GAB3: variants seen among roughly 807,000 people sequenced by gnomAD.
The protein encoded by GAB3 is GRB2 associated binding protein 3.
Under a neutral mutation model 40.4 loss-of-function variants are expected in GAB3, and 12 were observed. The observed-to-expected ratio is 0.30, with a 90% CI of 0.19 to 0.48. The LOEUF (loss-of-function observed/expected upper bound fraction) is 0.48. GAB3 is among the 20% of genes least tolerant of loss of function. The pLI is 0.99. For synonymous variants in GAB3, 154 were observed against 176.7 expected (o/e 0.87, Z 1.02); for missense variants, 381 against 461.9 (o/e 0.82, Z 1.61).
intron 1 of GAB3, among the ~76,000 whole-genome samples, chrX:154,748,417 G>A (rs1203763052): frequency 8.9e-6 from 1 of 111,896 alleles, no homozygotes; most frequent in Admixed American, 9.4e-5. Flanking sequence ...TAGCGGGGTA[G>A]GGGAAATTTA....
At chrX:154,699,678 G>A (rs1307735158) in intron 5 of GAB3, among the ~76,000 whole-genome samples, 165 bp from the exon 6 acceptor site, 6 of 112,379 alleles carry the variant, frequency 5.3e-5, no homozygotes, top group Non-Finnish European at 1.1e-4. Context: ...TCTGCCTCTG[G>A]ACTTATCGTT....
chrX:154,678,309 C>T lies in GAB3; in HGVS notation c.1648-15G>A. ...AGGAGAAGTTTCTGAAGGAGGAGAA[C>T]AAAAAGGTTTTCATTACATCTAACT... On this transcript the variant is annotated splice_polypyrimidine_tract_variant and intron_variant, in intron 9 of 9. Coordinates refer to ENST00000424127, the MANE Select transcript of GAB3 (RefSeq NM_001081573.3). The T allele has an allele frequency of 1.1e-6, 1 of 913,252 alleles. No homozygotes were observed. The highest frequency in any genetic ancestry group is 1.6e-6 in the Non-Finnish European group (1 of 637,176). 75.3% of individuals were successfully genotyped at this position (913,252 alleles called of 1,213,427 possible).
intron 1 of GAB3, among the ~76,000 whole-genome samples, chrX:154,722,934 A>C (rs950950261): frequency 1.8e-5 from 2 of 111,213 alleles, no homozygotes; most frequent in Non-Finnish European, 3.8e-5. Flanking sequence ...GCTGGAGGGC[A>C]GTGGTGTGAT....
intron 7 of GAB3, among the ~76,000 whole-genome samples, chrX:154,696,275 G>C (rs2070655526): frequency 1.0e-5 from 1 of 95,543 alleles, no homozygotes; most frequent in Non-Finnish European, 2.1e-5. Flanking sequence ...TTTCTAAACG[G>C]ACGAGGGCAT....
In GAB3 at chrX:154,677,960, C is replaced by T. The variant is rs904254274; in HGVS notation, c.*218G>A. ...GGCTAGATTCTCTCAGAGCCCCCTCCGGAAGGCAACTGCTTCCTTCTTTTC... is the reference window on the plus strand; with the variant it reads ...GGCTAGATTCTCTCAGAGCCCCCTCTGGAAGGCAACTGCTTCCTTCTTTTC... On this transcript the variant is annotated 3_prime_UTR_variant, in exon 10 of 10. Transcript: ENST00000424127. 9 of 321,509 alleles carry T rather than the reference C, an allele frequency of 2.8e-5. No homozygotes were observed. The highest frequency in any genetic ancestry group is 4.3e-5 in the Non-Finnish European group (8 of 188,063). 26.5% of individuals were successfully genotyped at this position (321,509 alleles called of 1,213,427 possible).
chrX:154,703,339 T>C (rs1390661891), intron 4 of GAB3, among the ~76,000 whole-genome samples: 1 of 112,336 alleles, frequency 8.9e-6, no homozygotes, highest in Non-Finnish European at 1.9e-5. Flanking sequence ...AATGAGATCA[T>C]GTCCTTTGCA....
chrX:154,718,145 C>T (rs1478595254), intron 1 of GAB3, among the ~76,000 whole-genome samples: 1 of 110,514 alleles, frequency 9.0e-6, no homozygotes, highest in Non-Finnish European at 1.9e-5. Flanking sequence ...GACCAAGAGG[C>T]CAGGGAAAAA....
intron 4 of GAB3, among the ~76,000 whole-genome samples, chrX:154,700,986 T>C (rs781795185): frequency 8.9e-6 from 1 of 111,894 alleles, no homozygotes; most frequent in Middle Eastern, 4.6e-3. Flanking sequence ...TATATATACA[T>C]ATATGTGTAT....
intron 1 of GAB3, among the ~76,000 whole-genome samples, chrX:154,721,438 G>A (rs963877304): frequency 1.8e-5 from 2 of 112,090 alleles, no homozygotes; most frequent in Non-Finnish European, 3.8e-5. Context: ...GCGAGTGCAC[G>A]CAAGAGCAAG....
intron 8 of GAB3, among the ~76,000 whole-genome samples, chrX:154,695,196 C>G: frequency 9.0e-6 from 1 of 111,646 alleles, no homozygotes; most frequent in Non-Finnish European, 1.9e-5. Context: ...AATTGCAGAA[C>G]AGGCACTGTC....
At chrX:154,695,797 A>G (rs1235740542) in intron 8 of GAB3, 120 bp downstream of exon 8, 1 of 407,266 alleles carries the variant, frequency 2.5e-6, no homozygotes, top group Non-Finnish European at 4.3e-6. Flanking sequence ...TGGTTTTACG[A>G]TCAAGTGGTT....
In GAB3 at chrX:154,712,513, T is replaced by A; in HGVS notation, c.785A>T (p.Glu262Val). 8.3e-7 allele frequency: 1 copy of A among 1,205,518 alleles called. No individual in the cohort carries two copies. The highest frequency in any genetic ancestry group is 1.1e-6 in the Non-Finnish European group (1 of 892,443). ...GTGGTCCCTGGGTGGCCCATTGATT[T>A]CTCTACTCCAGATCAGGGCAGCCTG... is the stretch of plus-strand genomic sequence containing the variant. ...RPQAALIWSREINGPPRDHLS... is the reference protein window; with the variant it reads ...RPQAALIWSRVINGPPRDHLS... The change falls in exon 4 of 10, where the codon GAA becomes GTA. Residue 262 changes from glutamate (E) to valine (V), a missense_variant. By Grantham distance (121) the Glu-to-Val change is moderately radical. Transcript: ENST00000424127.
Position 154,695,900 on chromosome X carries a change from G to T in GAB3, c.1530+17C>A, listed in dbSNP as rs1557250543. On this transcript the variant is annotated intron_variant, in intron 8 of 9. Coordinates refer to ENST00000424127, the MANE Select transcript of GAB3 (RefSeq NM_001081573.3). The stretch of plus-strand genomic sequence containing the variant: ...TTGGGGTGAAGGATAAGAAGAGTGT[G>T]AAAAATATAAGATTACCATTTCGAT... 9.5e-7 allele frequency: 1 copy of T among 1,052,866 alleles called. No individual in the cohort carries two copies. The highest frequency in any genetic ancestry group is 2.0e-5 in the South Asian group (1 of 51,227). 86.8% of individuals were successfully genotyped at this position (1,052,866 alleles called of 1,213,427 possible). A position where few individuals can be genotyped will look rare whatever the true frequency, so the allele number is the denominator to read the frequency against.
At chrX:154,705,053 C>T (rs1022596192) in intron 4 of GAB3, among the ~76,000 whole-genome samples, 1 of 111,041 alleles carries the variant, frequency 9.0e-6, no homozygotes, top group Non-Finnish European at 1.9e-5. Context: ...CTATCCCCCA[C>T]AAAATGAAGA....
intron 1 of GAB3, among the ~76,000 whole-genome samples, chrX:154,729,373 A>C (rs2071260282): frequency 8.9e-6 from 1 of 111,954 alleles, no homozygotes; most frequent in South Asian, 3.7e-4. Flanking sequence ...GTTGCAAGGG[A>C]AACAGCGAAG....
intron 1 of GAB3, among the ~76,000 whole-genome samples, chrX:154,733,191 C>A (rs1258090790): frequency 8.9e-6 from 1 of 112,231 alleles, no homozygotes. Context: ...TCAGTGAGCA[C>A]TGGTCCAGAA....
chrX:154,681,501 C>T, intron 8 of GAB3, among the ~76,000 whole-genome samples: 1 of 109,477 alleles, frequency 9.1e-6, no homozygotes, highest in Middle Eastern at 4.7e-3. Context: ...TTCTTACTTA[C>T]CCTTAGTACT....
At chrX:154,685,534 T>C (rs2070436011) in intron 8 of GAB3, among the ~76,000 whole-genome samples, 1 of 111,591 alleles carries the variant, frequency 9.0e-6, no homozygotes, top group Non-Finnish European at 1.9e-5. Flanking sequence ...GAGAACAATA[T>C]TTTTTTCCTT....
chrX:154,720,583 C>T (rs1336470434), intron 1 of GAB3, among the ~76,000 whole-genome samples: 2 of 98,461 alleles, frequency 2.0e-5, no homozygotes, highest in Admixed American at 1.1e-4. Context: ...GCCGAGATCG[C>T]GCCACTGCAC....
Sources: allele counts gnomAD v4.1 joint callset (sites outside exome capture counted in the v4.1 genomes callset), GRCh38; gene constraint gnomAD v4.1.1; transcripts MANE v1.5; gene names NCBI Gene and HGNC (gene_info 2026-07-23, HGNC 2026-07-21).